Variants in MTPAP observed in about 807,000 individuals in gnomAD.
MTPAP encodes mitochondrial poly(A) polymerase.
A neutral mutation model predicts 48.7 loss-of-function variants in MTPAP; 23 were observed. The ratio of observed to expected loss-of-function variants is 0.47; its 90% confidence interval spans 0.34 to 0.67. The LOEUF (loss-of-function observed/expected upper bound fraction) is 0.67, where lower values mean the gene tolerates loss of function less well. Among genes scored for constraint, MTPAP ranks in the 30% least tolerant of loss-of-function variants. The probability of loss-of-function intolerance (pLI) is 0.01; values close to 1 mark genes in which losing one functional copy is unlikely to be tolerated. For synonymous variants in MTPAP, 257 were observed against 254.1 expected, an observed-to-expected ratio of 1.01 and a Z score of -0.11; for missense variants, 614 against 694.3, an observed-to-expected ratio of 0.88 and a Z score of 1.30.
chr10:30,320,575 A>G (rs1840712456), intron 6 of MTPAP, among the ~76,000 whole-genome samples: 1 of 152,184 alleles, frequency 6.6e-6, no homozygotes, highest in South Asian at 2.1e-4. Flanking sequence ...CATTTTTAAA[A>G]AAGATAATAG....
chr10:30,317,460 A>C (rs933008715), intron 6 of MTPAP, among the ~76,000 whole-genome samples: 3 of 152,220 alleles, frequency 2.0e-5, no homozygotes, highest in African/African-American at 7.2e-5. Context: ...TTAGACTCAG[A>C]TATTCACCTT....
rs140431015 is a variant in MTPAP, at chr10:30,313,234, C to T, written c.*375G>A. ...TTTAGTTAAAGCACATTACAATAAT[C>T]TTTCACCCATTCCTTGTGGCTTATG... On this transcript the variant is annotated 3_prime_UTR_variant, in exon 9 of 9. Coordinates refer to ENST00000263063, the MANE Select transcript of MTPAP (RefSeq NM_018109.4). 1.6e-3 allele frequency: 391 copies of T among 247,864 alleles called. 1 individual carries two copies. Among genetic ancestry groups the T allele is most frequent in the Non-Finnish European group, 2.7e-3 (339 of 126,300 alleles). 15.4% of individuals were successfully genotyped at this position (247,864 alleles called of 1,614,324 possible). A position where few individuals can be genotyped will look rare whatever the true frequency, so the allele number is the denominator to read the frequency against.
Position 30,313,745 on chromosome 10 carries a change from C to G in MTPAP, c.1613G>C (p.Arg538Thr). ...GCTTTTCTTCTTGGTAAAGGACTTTCTGTTTGGAGCAGATGGTAGCAATAG... is the reference window on the plus strand; with the variant it reads ...GCTTTTCTTCTTGGTAAAGGACTTTGTGTTTGGAGCAGATGGTAGCAATAG... ...VSLLLPSAPNRKSFTKKKSNK... is the reference protein window; with the variant it reads ...VSLLLPSAPNTKSFTKKKSNK... Residue 538 changes from arginine (R) to threonine (T), a missense_variant, in exon 9 of 9, where the codon AGA becomes ACA. Physicochemically the swap from Arg to Thr is moderately conservative, Grantham distance 71. Transcript: ENST00000263063. 6.2e-7 allele frequency: 1 copy of G among 1,614,126 alleles called. No homozygotes were observed. Among genetic ancestry groups the G allele is most frequent in the Admixed American group, 1.7e-5 (1 of 60,014 alleles).
intron 3 of MTPAP, among the ~76,000 whole-genome samples, chr10:30,338,503 A>C (rs1210839287): frequency 2.0e-5 from 3 of 151,722 alleles, no homozygotes; most frequent in Non-Finnish European, 4.4e-5. Context: ...GTGAAACCCC[A>C]AATCTACTAA....
chr10:30,334,013 G>A (rs927422017), intron 4 of MTPAP, among the ~76,000 whole-genome samples: 7 of 152,096 alleles, frequency 4.6e-5, no homozygotes, highest in Admixed American at 3.3e-4. Flanking sequence ...AGCAAATTAA[G>A]TACACAGTAC....
intron 4 of MTPAP, among the ~76,000 whole-genome samples, chr10:30,333,827 A>G (rs1189127279): frequency 6.6e-6 from 1 of 152,140 alleles, no homozygotes; most frequent in African/African-American, 2.4e-5. Context: ...GCTTGAGCCC[A>G]GGAGGCAGAG....
chr10:30,315,412 T>C (rs1305279657), intron 8 of MTPAP, among the ~76,000 whole-genome samples: 1 of 151,850 alleles, frequency 6.6e-6, no homozygotes, highest in Non-Finnish European at 1.5e-5. Context: ...AAACAAATTT[T>C]GTCTAGACTT....
At chr10:30,342,045 C>T (rs748323155) in intron 1 of MTPAP, among the ~76,000 whole-genome samples, 1 of 152,002 alleles carries the variant, frequency 6.6e-6, no homozygotes, top group Non-Finnish European at 1.5e-5. Flanking sequence ...TCGAGATCAG[C>T]CTGACCATGG....
intron 1 of MTPAP, chr10:30,348,734 T>C (rs1834899488): frequency 4.5e-6 from 1 of 220,890 alleles, no homozygotes; most frequent in Non-Finnish European, 9.2e-6. Flanking sequence ...CAGCAACAAC[T>C]TAATGTATCA....
Position 30,316,108 on chromosome 10 carries a change from A to G in MTPAP, c.1312+10T>C. ...TCCAGAAAGGATCAAGTAAACAGAAAGACACTTACCTAATGTTTCTGTGTT... is the reference window on the plus strand; with the variant it reads ...TCCAGAAAGGATCAAGTAAACAGAAGGACACTTACCTAATGTTTCTGTGTT... On this transcript the variant is annotated intron_variant, in intron 7 of 8. Transcript: ENST00000263063. 1 of 1,611,970 alleles carries G rather than the reference A, an allele frequency of 6.2e-7. No homozygotes were observed. Among genetic ancestry groups the G allele is most frequent in the Non-Finnish European group, 8.5e-7 (1 of 1,178,016 alleles).
rs187361697 is a variant in MTPAP, at chr10:30,314,741, G to A, written c.1387-770C>T. Among the ~76,000 whole-genome samples, 31 of 151,818 alleles carry A rather than the reference G, an allele frequency of 2.0e-4. 1 individual carries two copies. Among genetic ancestry groups the A allele is most frequent in the Middle Eastern group, 3.4e-3 (1 of 294 alleles). On this transcript the variant is annotated intron_variant, in intron 8 of 8. Coordinates refer to ENST00000263063, the MANE Select transcript of MTPAP (RefSeq NM_018109.4). The stretch of plus-strand genomic sequence containing the variant: ...TACAAAACTAGCCAGGTGTTGTGGC[G>A]CATGCCTGTAATCCCAGCTACTTAG...
intron 4 of MTPAP, among the ~76,000 whole-genome samples, chr10:30,333,048 G>A (rs904447345): frequency 1.2e-4 from 18 of 151,992 alleles, no homozygotes; most frequent in African/African-American, 4.1e-4. Context: ...GTGAACCCGG[G>A]AGGCGGAGCT....
intron 3 of MTPAP, among the ~76,000 whole-genome samples, chr10:30,339,174 A>G (rs552528386): frequency 1.3e-3 from 200 of 151,696 alleles, no homozygotes; most frequent in African/African-American, 4.6e-3. Context: ...AAATACAAAC[A>G]ATATTTGAAC....
chr10:30,331,847 G>A (rs1426199739), intron 4 of MTPAP, among the ~76,000 whole-genome samples: 2 of 152,186 alleles, frequency 1.3e-5, no homozygotes, highest in African/African-American at 4.8e-5. Context: ...GATTACAGGC[G>A]TGAGCCACCA....
chr10:30,345,970 G>A (rs1834869456), intron 1 of MTPAP, among the ~76,000 whole-genome samples: 1 of 151,476 alleles, frequency 6.6e-6, no homozygotes, highest in South Asian at 2.1e-4. Context: ...ATCGCTAGAA[G>A]GCAGAGGTTG....
chr10:30,319,185 A>G (rs898230683), intron 6 of MTPAP, among the ~76,000 whole-genome samples: 2 of 152,242 alleles, frequency 1.3e-5, no homozygotes, highest in Non-Finnish European at 2.9e-5. Flanking sequence ...ACTGGTATAC[A>G]GGAATCAACG....
chr10:30,341,165 C>T lies in MTPAP; in HGVS notation c.330+303G>A, dbSNP rs138641626. The stretch of plus-strand genomic sequence containing the variant: ...AGTCGAGGCTGTAGTGCAATATGAT[C>T]GTACCTGCCAACAGCCACTGCACTC... On this transcript the variant is annotated intron_variant, in intron 2 of 8. Transcript: ENST00000263063. 6.3e-3 allele frequency among the ~76,000 whole-genome samples: 962 copies of T among 151,498 alleles called. 13 individuals are homozygous for T. Among genetic ancestry groups the T allele is most frequent in the African/African-American group, 0.021 (879 of 41,260 alleles).
chr10:30,344,746 C>T (rs189075653), intron 1 of MTPAP, among the ~76,000 whole-genome samples: 206 of 152,326 alleles, frequency 1.4e-3, no homozygotes, highest in African/African-American at 4.8e-3. Flanking sequence ...ACTCTATTGC[C>T]CAGGCTGGAG....
At chr10:30,343,048 T>C (rs190198639) in intron 1 of MTPAP, among the ~76,000 whole-genome samples, 65 of 152,318 alleles carry the variant, frequency 4.3e-4, no homozygotes, top group African/African-American at 1.4e-3. Flanking sequence ...AACAACTAAT[T>C]TTTTTCCCCC....
Sources: allele counts gnomAD v4.1 joint callset (sites outside exome capture counted in the v4.1 genomes callset), GRCh38; gene constraint gnomAD v4.1.1; transcripts MANE v1.5; gene names NCBI Gene and HGNC (gene_info 2026-07-23, HGNC 2026-07-21).